Variants in KIF6 observed in about 807,000 individuals in gnomAD.
The protein encoded by KIF6 is kinesin family member 6, also known as kinesin-like protein KIF6.
A neutral mutation model predicts 112.7 loss-of-function variants in KIF6; 106 were observed. That is an observed-to-expected ratio of 0.94 (90% CI 0.80 to 1.11). KIF6 has a LOEUF of 1.11. KIF6 is among the 50% of genes least tolerant of loss of function. The pLI is 0.00. For missense variants in KIF6, 929 were observed against 964.0 expected, an observed-to-expected ratio of 0.96 and a Z score of 0.48; for synonymous variants, 339 against 339.9, an observed-to-expected ratio of 1.00 and a Z score of 0.03.
intron 6 of KIF6, among the ~76,000 whole-genome samples, chr6:39,607,172 C>T (rs1323598283): frequency 3.9e-5 from 6 of 152,114 alleles, no homozygotes; most frequent in Non-Finnish European, 8.8e-5. Flanking sequence ...AACTCTGGGA[C>T]TAAATTTTAT....
intron 6 of KIF6, among the ~76,000 whole-genome samples, chr6:39,609,774 G>A (rs957915055): frequency 6.6e-5 from 10 of 152,074 alleles, no homozygotes; most frequent in African/African-American, 2.4e-4. Context: ...TCTGGGAGTG[G>A]GTTTCAACCA....
chr6:39,474,413 T>G (rs17456719), intron 13 of KIF6, among the ~76,000 whole-genome samples: 3,389 of 152,356 alleles, frequency 0.022, 68 homozygotes, highest in Non-Finnish European at 0.029. Flanking sequence ...TATTCTCAAA[T>G]CAAATTTTCT....
At chr6:39,356,262 CT>C (rs144971904) in intron 19 of KIF6, among the ~76,000 whole-genome samples, 2,858 of 151,902 alleles carry the variant, frequency 0.019, 97 homozygotes, top group African/African-American at 0.065. Flanking sequence ...TGGGGACTGT[CT>C]GACACCTTCT....
intron 15 of KIF6, among the ~76,000 whole-genome samples, chr6:39,413,715 G>GGGAGA (rs773364231): frequency 5.5e-4 from 83 of 152,186 alleles, no homozygotes; most frequent in Admixed American, 4.0e-3. Flanking sequence ...GAGACAAGGA[G>GGGAGA]GGAGAGGAGA....
intron 13 of KIF6, among the ~76,000 whole-genome samples, chr6:39,528,473 T>C (rs1055402226): frequency 1.3e-5 from 2 of 152,240 alleles, no homozygotes; most frequent in Non-Finnish European, 2.9e-5. Flanking sequence ...TTTGGATACA[T>C]ATTGATTTCA....
intron 13 of KIF6, among the ~76,000 whole-genome samples, chr6:39,510,865 T>C (rs1336898529): frequency 2.4e-5 from 1 of 41,158 alleles, no homozygotes; most frequent in Non-Finnish European, 4.5e-5. Context: ...ACCAAGCAAA[T>C]GGGAAGCAAA....
chr6:39,360,526 T>C lies in KIF6; in HGVS notation c.1951A>G (p.Lys651Glu). The C allele has an allele frequency of 1.2e-6, 2 of 1,614,224 alleles. No individual in the cohort carries two copies. Among genetic ancestry groups the C allele is most frequent in the African/African-American group, 1.3e-5 (1 of 75,060 alleles). Reference protein sequence around the residue: ...SQLEEEKRRYKTMFTRLKALK... With the variant: ...SQLEEEKRRYETMFTRLKALK... ...GCTTTCAGGCGAGTGAACATTGTTT[T>C]ATACCTGCGGTGGAATCGGGGAAGA... The change falls in exon 18 of 23, where the codon AAA becomes GAA. Residue 651 changes from lysine to glutamate, a missense_variant. Lys to Glu is a moderately conservative substitution (Grantham distance 56, BLOSUM62 1). Transcript: ENST00000287152.
intron 3 of KIF6, among the ~76,000 whole-genome samples, chr6:39,673,581 T>C (rs1291973230): frequency 6.6e-6 from 1 of 152,174 alleles, no homozygotes; most frequent in Non-Finnish European, 1.5e-5. Flanking sequence ...GAATCATAAT[T>C]TGAAAAACAA....
At chr6:39,570,056 T>A (rs1780559037) in intron 10 of KIF6, among the ~76,000 whole-genome samples, 1 of 152,260 alleles carries the variant, frequency 6.6e-6, no homozygotes. Context: ...GAAGCTTTTA[T>A]TAGTACAAAT....
intron 13 of KIF6, among the ~76,000 whole-genome samples, chr6:39,539,495 C>A (rs188702482): frequency 1.3e-5 from 2 of 152,094 alleles, no homozygotes; most frequent in African/African-American, 4.8e-5. Context: ...AGGCGCGCAC[C>A]ACCACGCCCA....
chr6:39,583,830 T>C (rs891388587), intron 9 of KIF6, among the ~76,000 whole-genome samples: 7 of 152,080 alleles, frequency 4.6e-5, no homozygotes, highest in African/African-American at 1.7e-4. Flanking sequence ...TAGTTTAACA[T>C]TTTCAATGTT....
At chr6:39,636,162 T>C (rs965575420) in intron 4 of KIF6, among the ~76,000 whole-genome samples, 11 of 152,172 alleles carry the variant, frequency 7.2e-5, no homozygotes, top group African/African-American at 2.6e-4. Flanking sequence ...AGTGAGGAAG[T>C]TGGCTAATAA....
chr6:39,657,249 A>C (rs1466008123), intron 3 of KIF6, among the ~76,000 whole-genome samples: 1 of 143,916 alleles, frequency 6.9e-6, no homozygotes, highest in Non-Finnish European at 1.5e-5. Flanking sequence ...AAAAAGAAAA[A>C]AGAAAAAAAA....
intron 3 of KIF6, among the ~76,000 whole-genome samples, chr6:39,650,513 A>G (rs1430281445): frequency 6.6e-6 from 1 of 151,628 alleles, no homozygotes; most frequent in Non-Finnish European, 1.5e-5. Context: ...ATTATATTAT[A>G]CATTATTTTA....
chr6:39,535,928 T>C (rs1415943291), intron 13 of KIF6, among the ~76,000 whole-genome samples: 14 of 151,476 alleles, frequency 9.2e-5, no homozygotes, highest in Non-Finnish European at 1.9e-4. Context: ...ACCGCTCAAC[T>C]ACATGGAAAC....
intron 13 of KIF6, among the ~76,000 whole-genome samples, chr6:39,533,148 A>G (rs1224604121): frequency 6.6e-6 from 1 of 152,252 alleles, no homozygotes; most frequent in Admixed American, 6.5e-5. Context: ...AGGGAGTGCC[A>G]GACAGTGGGT....
intron 15 of KIF6, among the ~76,000 whole-genome samples, chr6:39,404,078 T>C (rs1768910110): frequency 6.6e-6 from 1 of 152,226 alleles, no homozygotes; most frequent in Non-Finnish European, 1.5e-5. Context: ...AGAAGTCCTT[T>C]GTGAGATATG....
intron 3 of KIF6, among the ~76,000 whole-genome samples, chr6:39,685,205 T>A (rs1787785109): frequency 6.6e-6 from 1 of 152,222 alleles, no homozygotes; most frequent in East Asian, 1.9e-4. Flanking sequence ...AAATCAGCGA[T>A]GCTGTGGAAA....
chr6:39,684,497 C>G (rs1231413731), intron 3 of KIF6, among the ~76,000 whole-genome samples: 1 of 152,018 alleles, frequency 6.6e-6, no homozygotes, highest in African/African-American at 2.4e-5. Context: ...AGCCTGTAAC[C>G]CCAGCCACTC....
Sources: allele counts gnomAD v4.1 joint callset (sites outside exome capture counted in the v4.1 genomes callset), GRCh38; gene constraint gnomAD v4.1.1; transcripts MANE v1.5; gene names NCBI Gene and HGNC (gene_info 2026-07-23, HGNC 2026-07-21).